CC2D2A: variants seen among roughly 807,000 people sequenced by gnomAD.
The protein encoded by CC2D2A is coiled-coil and C2 domain-containing protein 2A.
CC2D2A carries 155 observed loss-of-function variants against 212.9 expected under a neutral mutation model. The ratio of observed to expected loss-of-function variants is 0.73; its 90% confidence interval spans 0.64 to 0.83. The LOEUF is 0.83. Ranked by LOEUF, CC2D2A falls within the 40% of genes least tolerant of loss-of-function variation. The pLI is 0.00. For synonymous variants in CC2D2A, 667 were observed against 686.5 expected, an observed-to-expected ratio of 0.97 and a Z score of 0.44; for missense variants, 1,856 against 1,956.2, an observed-to-expected ratio of 0.95 and a Z score of 0.97.
Position 15,567,473 on chromosome 4 carries a change from C to T in CC2D2A, c.3279C>T (p.Pro1093=), listed in dbSNP as rs1302080963. ...GCCCAACCCACAATGCTGACTACCC[C>T]CTCGGCCAGGTGAGAGATGCTGGAC... ...TYSPTHNADY[P]LGQVLVRPFV... The change falls in exon 25 of 37, where the codon CCC becomes CCT. Residue 1093 remains proline (P), a synonymous_variant. Coordinates refer to ENST00000424120, the MANE Select transcript of CC2D2A (RefSeq NM_001378615.1). 2 of 1,612,544 alleles carry T rather than the reference C, an allele frequency of 1.2e-6. No individual in the cohort carries two copies. Among genetic ancestry groups the T allele is most frequent in the African/African-American group, 2.7e-5 (2 of 74,846 alleles).
At chr4:15,529,973 A>C (rs1376511839) in intron 13 of CC2D2A, among the ~76,000 whole-genome samples, 3 of 147,280 alleles carry the variant, frequency 2.0e-5, no homozygotes, top group South Asian at 4.3e-4. Context: ...TTTCTTTTTT[A>C]TTTTTATTTT....
chr4:15,563,498 T>G lies in CC2D2A; in HGVS notation c.3158T>G (p.Ile1053Ser). 6.2e-7 allele frequency: 1 copy of G among 1,612,426 alleles called. No individual in the cohort carries two copies. The change falls in exon 24 of 37, where the codon ATT becomes AGT. Residue 1053 changes from isoleucine to serine, a missense_variant. By Grantham distance (142) the Ile-to-Ser change is moderately radical (BLOSUM62 -2). This residue lies in a region of CC2D2A where 1,512 missense variants were observed against 1,579.3 expected (regional missense o/e 0.96). Coordinates refer to ENST00000424120, the MANE Select transcript of CC2D2A (RefSeq NM_001378615.1). ...GTGAACATTGTGCGAGCTTACGACA[T>G]TCCAGTGAGGAAGCCGGCAGTGAGG... ...LLVNIVRAYD[I>S]PVRKPAVSKF...
chr4:15,578,810 T>C (rs1408326952), intron 29 of CC2D2A, among the ~76,000 whole-genome samples: 1 of 127,680 alleles, frequency 7.8e-6, no homozygotes, highest in African/African-American at 2.8e-5. Flanking sequence ...GTTTGTTTGT[T>C]TGTTTGTTTT....
At chr4:15,489,877 C>T (rs991458090) in intron 4 of CC2D2A, among the ~76,000 whole-genome samples, 14 of 152,218 alleles carry the variant, frequency 9.2e-5, no homozygotes, top group African/African-American at 3.4e-4. Flanking sequence ...CCTTCTGCCT[C>T]ACTGGCTGTA....
chr4:15,558,812 T>C (rs1332237456), intron 21 of CC2D2A, among the ~76,000 whole-genome samples: 1 of 152,206 alleles, frequency 6.6e-6, no homozygotes. Context: ...TATATGATTA[T>C]GGTAATGTGT....
intron 11 of CC2D2A, among the ~76,000 whole-genome samples, chr4:15,525,041 C>T (rs1344859767): frequency 6.6e-6 from 1 of 152,272 alleles, no homozygotes; most frequent in African/African-American, 2.4e-5. Flanking sequence ...TCTTTTGATC[C>T]AGTTAGCCCA....
chr4:15,512,795 T>C (rs1716642136), intron 8 of CC2D2A, among the ~76,000 whole-genome samples: 1 of 151,776 alleles, frequency 6.6e-6, no homozygotes, highest in Non-Finnish European at 1.5e-5. Flanking sequence ...TCTACTAAAA[T>C]TACAAAAATT....
At chr4:15,599,325 C>T (rs914899757) in intron 35 of CC2D2A, among the ~76,000 whole-genome samples, 16 of 152,120 alleles carry the variant, frequency 1.1e-4, no homozygotes, top group African/African-American at 3.9e-4. Flanking sequence ...AACTCATATA[C>T]AACCCTTAAG....
At chr4:15,555,335 A>T in intron 20 of CC2D2A, 125 bp downstream of exon 20, 1 of 1,215,858 alleles carries the variant, frequency 8.2e-7, no homozygotes, top group South Asian at 1.6e-5. Context: ...CCAAGTTTGA[A>T]TTCCAGCTGT....
At chr4:15,592,004 A>C (rs1368648877) in intron 33 of CC2D2A, among the ~76,000 whole-genome samples, 1 of 152,180 alleles carries the variant, frequency 6.6e-6, no homozygotes, top group Admixed American at 6.5e-5. Context: ...GCCACTCAGC[A>C]GAGGACCTCC....
At chr4:15,510,046 A>G in intron 6 of CC2D2A, 93 bp from the exon 7 acceptor site, 1 of 901,692 alleles carries the variant, frequency 1.1e-6, no homozygotes. Context: ...TCAGAAGATA[A>G]GCCTTTGGGA....
chr4:15,592,283 C>T (rs545946030), intron 33 of CC2D2A, among the ~76,000 whole-genome samples: 3 of 152,316 alleles, frequency 2.0e-5, no homozygotes, highest in African/African-American at 7.2e-5. Context: ...TGGCTATACA[C>T]CTAAAACTAC....
intron 17 of CC2D2A, among the ~76,000 whole-genome samples, chr4:15,547,305 G>T (rs1718762395): frequency 6.6e-6 from 1 of 152,158 alleles, no homozygotes; most frequent in South Asian, 2.1e-4. Context: ...TATCATTTGT[G>T]TTGCAGACAT....
At chr4:15,573,327 G>A (rs1234312284) in intron 28 of CC2D2A, among the ~76,000 whole-genome samples, 2 of 152,210 alleles carry the variant, frequency 1.3e-5, no homozygotes, top group Non-Finnish European at 2.9e-5. Context: ...GTCTGGTTCT[G>A]TCATCCAGGC....
chr4:15,511,174 C>T (rs1303111305), intron 7 of CC2D2A, 73 bp from the exon 8 acceptor site: 2 of 1,458,528 alleles, frequency 1.4e-6, no homozygotes, highest in Non-Finnish European at 1.8e-6. Context: ...ATTAAGCCAG[C>T]TGTCAGTTAA....
chr4:15,587,977 C>A (rs375239059), intron 32 of CC2D2A, 48 bp downstream of exon 32: 149 of 1,059,194 alleles, frequency 1.4e-4, no homozygotes, highest in Non-Finnish European at 2.1e-4. Context: ...GTTGTCTAAT[C>A]GAGTTGTGTG....
intron 33 of CC2D2A, among the ~76,000 whole-genome samples, chr4:15,594,219 T>A (rs1485702649): frequency 6.6e-6 from 1 of 152,120 alleles, no homozygotes; most frequent in Non-Finnish European, 1.5e-5. Flanking sequence ...CTCCCTCACT[T>A]CTTGCATTTC....
intron 4 of CC2D2A, among the ~76,000 whole-genome samples, chr4:15,489,575 TC>T (rs1208776619): frequency 2.0e-5 from 3 of 152,144 alleles, no homozygotes. Flanking sequence ...TTCCCTACCC[TC>T]CTTTAAAGCG....
At chr4:15,529,675 A>G (rs889655442) in intron 13 of CC2D2A, among the ~76,000 whole-genome samples, 2 of 151,832 alleles carry the variant, frequency 1.3e-5, no homozygotes, top group Admixed American at 1.3e-4. Context: ...ACTGATACGC[A>G]TTTGCATTTT....
Sources: allele counts gnomAD v4.1 joint callset (sites outside exome capture counted in the v4.1 genomes callset), GRCh38; gene constraint gnomAD v4.1.1; regional missense constraint gnomAD v4.1.1; transcripts MANE v1.5; gene names NCBI Gene and HGNC (gene_info 2026-07-23, HGNC 2026-07-21).